OTULIN: variants seen among roughly 807,000 people sequenced by gnomAD.
OTULIN encodes OTU deubiquitinase with linear linkage specificity.
A neutral mutation model predicts 39.6 loss-of-function variants in OTULIN; 15 were observed. The observed-to-expected ratio is 0.38, with a 90% CI of 0.25 to 0.58. The LOEUF (loss-of-function observed/expected upper bound fraction) is 0.58. Among genes scored for constraint, OTULIN ranks in the 20% least tolerant of loss-of-function variants. The pLI, the probability that OTULIN is intolerant of heterozygous loss-of-function variation, is 0.66. For synonymous variants in OTULIN, 156 were observed against 170.3 expected, an observed-to-expected ratio of 0.92 and a Z score of 0.65; for missense variants, 319 against 445.9, an observed-to-expected ratio of 0.72 and a Z score of 2.56.
the OTULIN span, among the ~76,000 whole-genome samples, chr5:14,715,901 C>A: frequency 6.6e-6 from 1 of 152,242 alleles, no homozygotes; most frequent in Admixed American, 6.5e-5. Flanking sequence ...TCTTTTCTGA[C>A]CATCCATCTG....
chr5:14,709,485 T>G, the OTULIN span: 1 of 152,244 alleles, frequency 6.6e-6, no homozygotes, highest in Non-Finnish European at 1.5e-5. Flanking sequence ...GGAATGTGAA[T>G]GCAACCCTGG....
At chr5:14,702,940 G>A (rs1736826687), downstream of OTULIN, among the ~76,000 whole-genome samples, 1 of 152,172 alleles carries the variant, frequency 6.6e-6, no homozygotes, top group South Asian at 2.1e-4. Flanking sequence ...TTTGTTGGCT[G>A]AAGCACTTCC....
chr5:14,675,591 C>G (rs1438035496), intron 2 of OTULIN, among the ~76,000 whole-genome samples: 2 of 152,080 alleles, frequency 1.3e-5, no homozygotes, highest in African/African-American at 2.4e-5. Context: ...TGTTTGTTAC[C>G]GCTGACAGTA....
intron 1 of OTULIN, among the ~76,000 whole-genome samples, chr5:14,672,552 C>T (rs1736004912): frequency 6.6e-6 from 1 of 152,030 alleles, no homozygotes; most frequent in African/African-American, 2.4e-5. Flanking sequence ...GGGTCTGCAG[C>T]CTTGTGTGAG....
At chr5:14,691,879 T>C (rs1579977985) in intron 6 of OTULIN, among the ~76,000 whole-genome samples, 2 of 152,376 alleles carry the variant, frequency 1.3e-5, no homozygotes, top group Admixed American at 1.3e-4. Flanking sequence ...TGATTTAGCA[T>C]AATGTTTTTA....
At chr5:14,713,720 C>T in the OTULIN span, 7 of 1,611,718 alleles carry the variant, frequency 4.3e-6, no homozygotes, top group Admixed American at 1.2e-4. The surrounding 1 kb of genome is among the most constrained non-coding windows in gnomAD (Gnocchi z 4.4). Context: ...CACTCCCCAT[C>T]CTGCTGCCTC....
At chr5:14,684,671 TG>T (rs1462401253) in intron 4 of OTULIN, among the ~76,000 whole-genome samples, 1 of 152,258 alleles carries the variant, frequency 6.6e-6, no homozygotes, top group Non-Finnish European at 1.5e-5. Context: ...TAGCTTTATC[TG>T]CTTCTGTTTG....
chr5:14,711,178 G>A, the OTULIN span: 2 of 1,584,062 alleles, frequency 1.3e-6, no homozygotes, highest in Non-Finnish European at 1.7e-6. Flanking sequence ...TCCCTGCAGT[G>A]CCCATGGCGT....
At chr5:14,672,269 G>A (rs1036424792) in intron 1 of OTULIN, among the ~76,000 whole-genome samples, 2 of 152,112 alleles carry the variant, frequency 1.3e-5, no homozygotes, top group Non-Finnish European at 2.9e-5. Context: ...AGGCTGGAGT[G>A]GTGGGTGAGG....
intron 1 of OTULIN, among the ~76,000 whole-genome samples, chr5:14,673,389 G>T (rs937651728): frequency 6.6e-6 from 1 of 152,182 alleles, no homozygotes; most frequent in Non-Finnish European, 1.5e-5. Context: ...TGCCTTCAGA[G>T]CTACCTAGCA....
chr5:14,702,150 C>T (rs535172367), downstream of OTULIN, among the ~76,000 whole-genome samples: 16 of 152,064 alleles, frequency 1.1e-4, no homozygotes, highest in Non-Finnish European at 1.6e-4. Context: ...GCGCTGATGG[C>T]GCTTGGGGAC....
intron 5 of OTULIN, 142 bp downstream of exon 5, chr5:14,687,788 A>C (rs1561000564): frequency 9.6e-6 from 10 of 1,040,242 alleles, no homozygotes; most frequent in African/African-American, 4.9e-5. Context: ...AAATGAATTC[A>C]AACTCTTCCC....
At chr5:14,709,909 C>T in the OTULIN span, 1 of 152,496 alleles carries the variant, frequency 6.6e-6, no homozygotes, top group Non-Finnish European at 1.5e-5. Context: ...ATATTTATAT[C>T]TTTAAAATAT....
At chr5:14,676,962 C>T (rs1736118688) in intron 2 of OTULIN, among the ~76,000 whole-genome samples, 1 of 152,146 alleles carries the variant, frequency 6.6e-6, no homozygotes, top group African/African-American at 2.4e-5. Flanking sequence ...TATTATACCT[C>T]AGGAGTCTGC....
At chr5:14,692,328 C>G (rs1736549228) in intron 6 of OTULIN, among the ~76,000 whole-genome samples, 1 of 152,210 alleles carries the variant, frequency 6.6e-6, no homozygotes, top group Admixed American at 6.5e-5. Context: ...CTGGTGACCA[C>G]CACCTATATG....
chr5:14,699,174 C>T lies in OTULIN; in HGVS notation c.*6126C>T, dbSNP rs951033436. 3 of 152,180 alleles carry T rather than the reference C, an allele frequency of 2.0e-5. No individual in the cohort carries two copies. The highest frequency in any genetic ancestry group is 7.2e-5 in the African/African-American group (3 of 41,430). The allele number at this position is 152,180 out of a possible 1,614,324, so 9.4% of individuals were successfully genotyped here. ...ACCATTTACACTGCTGGAAATGTACCCACTAATGTGATGGCAAGAACTTCA... is the reference window on the plus strand; with the variant it reads ...ACCATTTACACTGCTGGAAATGTACTCACTAATGTGATGGCAAGAACTTCA... On this transcript the variant is annotated 3_prime_UTR_variant, in exon 7 of 7. Coordinates refer to ENST00000284274, the MANE Select transcript of OTULIN (RefSeq NM_138348.6).
intron 1 of OTULIN, among the ~76,000 whole-genome samples, chr5:14,665,855 A>G (rs1735826403): frequency 6.6e-6 from 1 of 152,238 alleles, no homozygotes; most frequent in Non-Finnish European, 1.5e-5. Flanking sequence ...ATATTTGCAT[A>G]GTACTTAGAC....
chr5:14,712,886 G>A, the OTULIN span: 1 of 1,611,000 alleles, frequency 6.2e-7, no homozygotes. Flanking sequence ...GCTTCCGGTA[G>A]ACATAGCACG....
intron 2 of OTULIN, among the ~76,000 whole-genome samples, chr5:14,675,083 A>G (rs1736071171): frequency 6.6e-6 from 1 of 152,208 alleles, no homozygotes; most frequent in Non-Finnish European, 1.5e-5. Flanking sequence ...AGCAGAACTC[A>G]TGTTGCTCTA....
Sources: allele counts gnomAD v4.1 joint callset (sites outside exome capture counted in the v4.1 genomes callset), GRCh38; gene constraint gnomAD v4.1.1; non-coding constraint Gnocchi (gnomAD v3.1); transcripts MANE v1.5; gene names NCBI Gene and HGNC (gene_info 2026-07-23, HGNC 2026-07-21).